Variants in CNTNAP1 observed in about 807,000 individuals in gnomAD.
The protein encoded by CNTNAP1 is contactin-associated protein 1.
In CNTNAP1, 80 loss-of-function variants were observed where a neutral mutation model predicts 161.5. The ratio of observed to expected loss-of-function variants is 0.50; its 90% CI spans 0.41 to 0.60. CNTNAP1 has a LOEUF of 0.60. Ranked by LOEUF, CNTNAP1 falls within the 20% of genes least tolerant of loss-of-function variation. The probability of loss-of-function intolerance (pLI) is 0.00; values close to 1 mark genes in which losing one functional copy is unlikely to be tolerated. For missense variants in CNTNAP1, 1,464 were observed against 1,854.8 expected (o/e 0.79, Z 3.87); for synonymous variants, 695 against 733.1 (o/e 0.95, Z 0.84).
chr17:42,691,109 C>G lies in CNTNAP1; in HGVS notation c.2060-28C>G, dbSNP rs1336239591. On this transcript the variant is annotated intron_variant, in intron 13 of 23. Transcript: ENST00000264638. The surrounding 1 kb of genome is among the most constrained non-coding windows in gnomAD (Gnocchi z 4.3). ...CCAGAGGCTAATGGAGGGACAGGGC[C>G]TGGAAGCTGCCTGCACCTCTTCCCC... The G allele has an allele frequency of 6.2e-7, 1 of 1,610,774 alleles. No homozygotes were observed. The highest frequency in any genetic ancestry group is 8.5e-7 in the Non-Finnish European group (1 of 1,178,660).
chr17:42,691,177 G>C lies in CNTNAP1; in HGVS notation c.2100G>C (p.Glu700Asp). The change falls in exon 14 of 24, where the codon GAG (glutamate) becomes GAC (aspartate). Residue 700 changes from glutamate to aspartate, a missense_variant. By Grantham distance (45) the Glu-to-Asp change is conservative. Transcript: ENST00000264638. The surrounding 1 kb of genome is among the most constrained non-coding windows in gnomAD (Gnocchi z 4.3). ...GCTTTTGGATTGGCCGAAATGAGGA[G>C]CAGCACTTCTACTGGGGAGGCTCCC... ...PYSFWIGRNEEQHFYWGGSQP... is the reference protein window; with the variant it reads ...PYSFWIGRNEDQHFYWGGSQP... 1.2e-6 allele frequency: 2 copies of C among 1,614,214 alleles called. No individual in the cohort carries two copies. Among genetic ancestry groups the C allele is most frequent in the Non-Finnish European group, 1.7e-6 (2 of 1,180,018 alleles).
At position 42,690,749 on chromosome 17, in the gene CNTNAP1, G is replaced by A. The variant is rs1423779447; in HGVS notation, c.1866G>A (p.Ala622=). 6.8e-6 allele frequency: 11 copies of A among 1,614,016 alleles called. No homozygotes were observed. The highest frequency in any genetic ancestry group is 4.4e-5 in the South Asian group (4 of 91,086). The change falls in exon 13 of 24, where the codon GCG becomes GCA. Residue 622 remains alanine, a synonymous_variant. Coordinates refer to ENST00000264638, the MANE Select transcript of CNTNAP1 (RefSeq NM_003632.3). ...CCTCTTGTCTGCCAGAGAACCGAGC[G>A]TGGACAGTTGTGCGGCATGACAGGC... is the stretch of plus-strand genomic sequence containing the variant. The part of the protein sequence containing the change: ...VVYCDIRENR[A]WTVVRHDRLW...
At position 42,696,055 on chromosome 17, in the gene CNTNAP1, C is replaced by A; in HGVS notation, c.3377C>A (p.Thr1126Asn). The A allele has an allele frequency of 6.2e-7, 1 of 1,614,154 alleles. No individual in the cohort carries two copies. The highest frequency in any genetic ancestry group is 8.5e-7 in the Non-Finnish European group (1 of 1,180,036). Residue 1126 changes from threonine (T) to asparagine (N), a missense_variant, in exon 20 of 24, where the codon ACC (threonine) becomes AAC (asparagine). Coordinates refer to ENST00000264638, the MANE Select transcript of CNTNAP1 (RefSeq NM_003632.3). ...CTTCAGCTGCGATATCAGCTGGGCA[C>A]CAGTCCCTACGTGTACCAGCTAACC... The part of the protein sequence containing the change: ...GTLQLRYQLG[T>N]SPYVYQLTTR...
intron 12 of CNTNAP1, 69 bp from the exon 13 acceptor site, chr17:42,690,670 G>T: frequency 6.7e-7 from 1 of 1,501,070 alleles, no homozygotes. Flanking sequence ...AGCGGTGGTG[G>T]AGGTGGGCAG....
intron 23 of CNTNAP1, 127 bp downstream of exon 23, chr17:42,698,077 T>C (rs2053174100): frequency 9.4e-7 from 1 of 1,059,614 alleles, no homozygotes; most frequent in Admixed American, 1.8e-5. Context: ...GCACAAAGGA[T>C]GATGAGACAG....
At chr17:42,686,467 C>CTGTTTTTTTTT in intron 6 of CNTNAP1, among the ~76,000 whole-genome samples, 1 of 61,766 alleles carries the variant, frequency 1.6e-5, no homozygotes, top group South Asian at 6.6e-4. Context: ...AGAAAAAGGC[C>CTGTTTTTTTTT]TGTTTTTTTT....
Position 42,689,698 on chromosome 17 carries a change from G to A in CNTNAP1, c.1735+71G>A, listed in dbSNP as rs181544495. The stretch of plus-strand genomic sequence containing the variant: ...ATAGAAGGTTGCTGGGGATCATCAG[G>A]CTGCTAGAGATGGCGAGGATGGCCC... On this transcript the variant is annotated intron_variant, in intron 11 of 23. Transcript: ENST00000264638. 5 of 1,296,848 alleles carry A rather than the reference G, an allele frequency of 3.9e-6. No individual in the cohort carries two copies. The Admixed American group carries it at 5.3e-5, about 14-fold the overall frequency. The allele number at this position is 1,296,848 out of a possible 1,614,324, so 80.3% of individuals were successfully genotyped here. A position where few individuals can be genotyped will look rare whatever the true frequency, so the allele number is the denominator to read the frequency against.
chr17:42,698,627 C>T lies in CNTNAP1; in HGVS notation c.3872C>T (p.Ala1291Val). The change falls in exon 24 of 24, where the codon GCC (alanine) becomes GTC (valine). Residue 1291 changes from alanine to valine, a missense_variant. Around this residue, in one of 3 missense-constraint regions of CNTNAP1, gnomAD observed 1,383 missense variants for 1,765.0 expected, o/e 0.78. Coordinates refer to ENST00000264638, the MANE Select transcript of CNTNAP1 (RefSeq NM_003632.3). ...CTTTTCTTCTTTTCAGTTTTGGTGG[C>T]CTTTCTGCTGCTGGGGCTGGTGGGA... ...WVAILLGFLV[A>V]FLLLGLVGML... 2 of 1,595,430 alleles carry T rather than the reference C, an allele frequency of 1.3e-6. No individual in the cohort carries two copies. The highest frequency in any genetic ancestry group is 1.1e-5 in the South Asian group (1 of 89,896).
In CNTNAP1 at chr17:42,684,982, C is replaced by T. The variant is rs1316745501; in HGVS notation, c.364-9C>T. ...AGGACGTGGTTACTACTCTCCTCCA[C>T]CCCCGCAGACCTTCTTTGGTAACGT... On this transcript the variant is annotated splice_polypyrimidine_tract_variant and intron_variant, in intron 3 of 23. Coordinates refer to ENST00000264638, the MANE Select transcript of CNTNAP1 (RefSeq NM_003632.3). The T allele has an allele frequency of 1.2e-6, 2 of 1,606,638 alleles. No individual in the cohort carries two copies. Among genetic ancestry groups the T allele is most frequent in the African/African-American group, 1.3e-5 (1 of 74,334 alleles).
At chr17:42,690,647 T>C in intron 12 of CNTNAP1, 92 bp from the exon 13 acceptor site, 1 of 1,317,244 alleles carries the variant, frequency 7.6e-7, no homozygotes, top group Non-Finnish European at 1.1e-6. Context: ...GTTCAGTGGC[T>C]CTGAGTTGCA....
At chr17:42,698,445 ATGTGTGTGTGTGTGTGTGTGTG>A (rs71276881) in intron 23 of CNTNAP1, among the ~76,000 whole-genome samples, 151 bp from the exon 24 acceptor site, 1 of 139,482 alleles carries the variant, frequency 7.2e-6, no homozygotes, top group Non-Finnish European at 1.6e-5. Context: ...CCAAAAGTAA[ATGTGTGTGTGTGTGTGTGTGTG>A]TGTGTGTGTG....
chr17:42,686,474 T>G (rs113288414), intron 6 of CNTNAP1, among the ~76,000 whole-genome samples: 94 of 110,602 alleles, frequency 8.5e-4, no homozygotes, highest in Admixed American at 2.6e-3. Context: ...GGCCTGTTTT[T>G]TTTTTTTTTT....
chr17:42,687,212 G>A lies in CNTNAP1; in HGVS notation c.1044+166G>A. 1.2e-6 allele frequency: 1 copy of A among 818,018 alleles called. No individual in the cohort carries two copies. The highest frequency in any genetic ancestry group is 1.9e-6 in the Non-Finnish European group (1 of 538,626). The allele number at this position is 818,018 out of a possible 1,614,324, so 50.7% of individuals were successfully genotyped here. Reference sequence around the variant, plus strand: ...AGCGGGTCTCACCTGAGGTGCATGAGCCACGCAGGCCCCTAGTTAAGAAGC... The same window carrying A: ...AGCGGGTCTCACCTGAGGTGCATGAACCACGCAGGCCCCTAGTTAAGAAGC... On this transcript the variant is annotated intron_variant, in intron 7 of 23. Coordinates refer to ENST00000264638, the MANE Select transcript of CNTNAP1 (RefSeq NM_003632.3). The surrounding 1 kb of genome is among the most constrained non-coding windows in gnomAD (Gnocchi z 4.7).
At chr17:42,683,729 CG>C in intron 1 of CNTNAP1, 91 bp from the exon 2 acceptor site, 1 of 1,482,252 alleles carries the variant, frequency 6.7e-7, no homozygotes, top group Non-Finnish European at 9.0e-7. Flanking sequence ...GTTGGGGGCA[CG>C]GAAGGGGAAG....
chr17:42,691,277 G>A lies in CNTNAP1; in HGVS notation c.2200G>A (p.Ala734Thr), dbSNP rs778254570. Residue 734 changes from alanine (A) to threonine (T), a missense_variant, in exon 14 of 24, where the codon GCT (alanine) becomes ACT (threonine). By Grantham distance (58) the Ala-to-Thr change is moderately conservative. Coordinates refer to ENST00000264638, the MANE Select transcript of CNTNAP1 (RefSeq NM_003632.3). The surrounding 1 kb of genome is among the most constrained non-coding windows in gnomAD (Gnocchi z 4.3). ...CCCTGCCTTGTACTGCAACTGTGAC[G>A]CTGACCAGCCCCAGTGGTGAGGGGG... ...VDPALYCNCD[A>T]DQPQWRTDKG... The A allele has an allele frequency of 1.7e-5, 27 of 1,614,032 alleles. No individual in the cohort carries two copies. The South Asian group carries it at 2.9e-4, about 17-fold the overall frequency.
intron 18 of CNTNAP1, among the ~76,000 whole-genome samples, chr17:42,693,931 C>T (rs549316090): frequency 1.3e-5 from 2 of 152,144 alleles, no homozygotes; most frequent in African/African-American, 4.8e-5. Flanking sequence ...GTGGCACGAT[C>T]TCGGCTCACT....
chr17:42,686,995 C>G lies in CNTNAP1; in HGVS notation c.993C>G (p.Arg331=). Residue 331 remains arginine, a synonymous_variant, in exon 7 of 24, where the codon CGC becomes CGG. Coordinates refer to ENST00000264638, the MANE Select transcript of CNTNAP1 (RefSeq NM_003632.3). ...RGCIENVIFN[R]VNIADLAVRR... is the part of the protein sequence containing the mutation. Reference sequence around the variant, plus strand: ...GCATAGAAAACGTAATCTTCAACCGCGTCAACATCGCAGACCTGGCCGTGC... The same window carrying G: ...GCATAGAAAACGTAATCTTCAACCGGGTCAACATCGCAGACCTGGCCGTGC... 2 of 1,614,044 alleles carry G rather than the reference C, an allele frequency of 1.2e-6. No individual in the cohort carries two copies. The highest frequency in any genetic ancestry group is 1.7e-6 in the Non-Finnish European group (2 of 1,179,962).
chr17:42,695,458 T>A, intron 18 of CNTNAP1, 63 bp from the exon 19 acceptor site: 1 of 1,323,498 alleles, frequency 7.6e-7, no homozygotes, highest in Non-Finnish European at 1.1e-6. Flanking sequence ...ATGGATGACA[T>A]AAAACCTCTG....
rs2052994807 is a variant in CNTNAP1, at chr17:42,685,500, C to T, written c.715+80C>T. Reference sequence around the variant, plus strand: ...CCCTCCTCGTGGCACCTCCTCCGCGCATCCGCGCTCAGCCTGGTCTTCCAC... The same window carrying T: ...CCCTCCTCGTGGCACCTCCTCCGCGTATCCGCGCTCAGCCTGGTCTTCCAC... On this transcript the variant is annotated intron_variant, in intron 5 of 23. Coordinates refer to ENST00000264638, the MANE Select transcript of CNTNAP1 (RefSeq NM_003632.3). The surrounding 1 kb of genome is among the most constrained non-coding windows in gnomAD (Gnocchi z 5.0). The T allele has an allele frequency of 1.9e-5, 25 of 1,335,832 alleles. No individual in the cohort carries two copies. Among genetic ancestry groups the T allele is most frequent in the East Asian group, 2.5e-5 (1 of 39,972 alleles). The allele number at this position is 1,335,832 out of a possible 1,614,324, so 82.7% of individuals were successfully genotyped here.
Sources: gnomAD v4.1 joint callset for allele counts (sites outside exome capture counted in the v4.1 genomes callset) on GRCh38, gnomAD v4.1.1 for gene constraint, gnomAD v4.1.1 regional missense constraint, Gnocchi (gnomAD v3.1) non-coding constraint, MANE v1.5 for transcripts, NCBI Gene and HGNC (gene_info 2026-07-23, HGNC 2026-07-21) for gene names.